PDGFD: variants seen among roughly 807,000 people sequenced by gnomAD.
PDGFD encodes the protein platelet derived growth factor D.
In PDGFD, 30 loss-of-function variants were observed where a neutral mutation model predicts 44.7. That is an observed-to-expected ratio of 0.67 (90% CI 0.50 to 0.91). The LOEUF (loss-of-function observed/expected upper bound fraction) is 0.91, where lower values mean the gene tolerates loss of function less well. Among genes scored for constraint, PDGFD ranks in the 40% least tolerant of loss-of-function variants. The pLI, the probability that PDGFD is intolerant of heterozygous loss-of-function variation, is 0.00. For synonymous variants in PDGFD, 173 were observed against 168.4 expected, an observed-to-expected ratio of 1.03 and a Z score of -0.21; for missense variants, 445 against 457.8, an observed-to-expected ratio of 0.97 and a Z score of 0.25.
intron 1 of PDGFD, among the ~76,000 whole-genome samples, chr11:104,025,126 G>A (rs1340941238): frequency 6.6e-6 from 1 of 152,238 alleles, no homozygotes; most frequent in Non-Finnish European, 1.5e-5. Flanking sequence ...CTTATGCCAA[G>A]CTGTCAGCCT....
intron 1 of PDGFD, among the ~76,000 whole-genome samples, chr11:104,040,237 G>A (rs1052014558): frequency 2.6e-5 from 4 of 151,902 alleles, no homozygotes; most frequent in Non-Finnish European, 5.9e-5. Flanking sequence ...GACAAATTTG[G>A]ATTCTCCTAA....
At chr11:103,968,172 T>C (rs1196930596) in intron 3 of PDGFD, among the ~76,000 whole-genome samples, 1 of 152,174 alleles carries the variant, frequency 6.6e-6, no homozygotes, top group Non-Finnish European at 1.5e-5. Flanking sequence ...CTATGTCTTC[T>C]CTTGAGTGCC....
intron 5 of PDGFD, among the ~76,000 whole-genome samples, chr11:103,929,878 T>C (rs1296283654): frequency 6.6e-6 from 1 of 152,092 alleles, no homozygotes; most frequent in African/African-American, 2.4e-5. Context: ...AGAAGGAGAA[T>C]TCTAGAGTGA....
In PDGFD at chr11:104,163,901, A is replaced by C. The variant is rs754185641; in HGVS notation, c.27T>G (p.Thr9=). The part of the protein sequence containing the change: MHRLIFVY[T]LICANFCSCR... Reference sequence around the variant, plus strand: ...AGCTGCAAAAGTTTGCGCAGATTAGAGTGTAGACAAAGATGAGCCGGTGCA... The same window carrying C: ...AGCTGCAAAAGTTTGCGCAGATTAGCGTGTAGACAAAGATGAGCCGGTGCA... The change falls in exon 1 of 7, where the codon ACT becomes ACG. Residue 9 remains threonine, a synonymous_variant. Transcript: ENST00000393158. The C allele has an allele frequency of 6.4e-7, 1 of 1,559,830 alleles. No homozygotes were observed. Among genetic ancestry groups the C allele is most frequent in the South Asian group, 1.2e-5 (1 of 84,738 alleles).
chr11:104,121,574 A>G (rs546507679), intron 1 of PDGFD, among the ~76,000 whole-genome samples: 4 of 152,196 alleles, frequency 2.6e-5, no homozygotes, highest in African/African-American at 9.6e-5. Context: ...TGAAATAATA[A>G]AAAAGAAAAA....
chr11:103,923,709 T>C (rs1156919448), intron 6 of PDGFD, among the ~76,000 whole-genome samples: 1 of 152,160 alleles, frequency 6.6e-6, no homozygotes, highest in Non-Finnish European at 1.5e-5. Context: ...CACTTGACAG[T>C]GATAATTGTG....
chr11:104,100,643 C>CA (rs1347845034), intron 1 of PDGFD, among the ~76,000 whole-genome samples: 2 of 151,528 alleles, frequency 1.3e-5, no homozygotes, highest in East Asian at 1.9e-4. Flanking sequence ...AGAGACACAA[C>CA]AAAAAAAAGA....
At chr11:104,098,507 C>CT (rs34351974) in intron 1 of PDGFD, among the ~76,000 whole-genome samples, 104,533 of 140,248 alleles carry the variant, frequency 0.75, 39,195 homozygotes, top group East Asian at 0.97. Context: ...TTCTGTTTCT[C>CT]TTTTTTTTTT....
At chr11:103,969,474 G>GTTTTTTTTTTTT (rs66571550) in intron 3 of PDGFD, among the ~76,000 whole-genome samples, 5 of 89,800 alleles carry the variant, frequency 5.6e-5, no homozygotes, top group Middle Eastern at 0.013. Flanking sequence ...ACCAAGCCTG[G>GTTTTTTTTTTTT]TTTTTTTTTT....
chr11:103,995,443 C>T (rs548966943), intron 3 of PDGFD, among the ~76,000 whole-genome samples: 1 of 152,124 alleles, frequency 6.6e-6, no homozygotes, highest in Non-Finnish European at 1.5e-5. Flanking sequence ...TCAGTCAGAA[C>T]CATTTACAGT....
intron 1 of PDGFD, among the ~76,000 whole-genome samples, chr11:104,016,914 C>A (rs546598994): frequency 3.6e-4 from 55 of 152,134 alleles, no homozygotes; most frequent in Admixed American, 1.6e-3. Context: ...GGGAAGAAAT[C>A]TCTGACTTTT....
intron 1 of PDGFD, among the ~76,000 whole-genome samples, chr11:104,060,796 C>A (rs1470316069): frequency 2.0e-5 from 3 of 152,142 alleles, no homozygotes; most frequent in African/African-American, 7.2e-5. Flanking sequence ...ATTTAAAGTA[C>A]AATTCAAATG....
chr11:104,045,701 T>A lies in PDGFD; in HGVS notation c.125-45446A>T, dbSNP rs763665244. On this transcript the variant is annotated intron_variant, in intron 1 of 6. Transcript: ENST00000393158. ...TTAAGAGAATATTTGAACAAAGGAA[T>A]AGAAACTTCAGAAGAAACACAAATA... Among the ~76,000 whole-genome samples, 51 of 147,794 alleles carry A rather than the reference T, an allele frequency of 3.5e-4. 5 individuals are homozygous for A. The highest frequency in any genetic ancestry group is 6.8e-4 in the Non-Finnish European group (45 of 66,156).
At chr11:104,150,692 T>C (rs1862230862) in intron 1 of PDGFD, among the ~76,000 whole-genome samples, 1 of 152,198 alleles carries the variant, frequency 6.6e-6, no homozygotes, top group South Asian at 2.1e-4. Flanking sequence ...CTGGCATTCC[T>C]TGGCTTGTGG....
At chr11:104,077,558 G>T (rs1017528555) in intron 1 of PDGFD, among the ~76,000 whole-genome samples, 1 of 152,132 alleles carries the variant, frequency 6.6e-6, no homozygotes, top group African/African-American at 2.4e-5. Context: ...TGATATGGCT[G>T]CAGAATATCC....
intron 3 of PDGFD, among the ~76,000 whole-genome samples, chr11:103,985,128 T>G (rs1333661575): frequency 7.1e-6 from 1 of 141,406 alleles, no homozygotes; most frequent in Non-Finnish European, 1.5e-5. Flanking sequence ...AATATATTAA[T>G]TTATTTAATA....
Position 103,949,064 on chromosome 11 carries a change from G to A in PDGFD, c.511-1340C>T, listed in dbSNP as rs957439190. On this transcript the variant is annotated intron_variant, in intron 3 of 6. Transcript: ENST00000393158. ...GTCACCCAGGCTGGTGTGCAGTGGCGTGATCTTGGCTTACTGCAACCTCTG... is the reference window on the plus strand; with the variant it reads ...GTCACCCAGGCTGGTGTGCAGTGGCATGATCTTGGCTTACTGCAACCTCTG... Among the ~76,000 whole-genome samples, 11 of 139,326 alleles carry A rather than the reference G, an allele frequency of 7.9e-5. No individual in the cohort carries two copies. The East Asian group carries it at 1.5e-3, about 19-fold the overall frequency. The allele number at this position is 139,326 out of a possible 152,430, so 91.4% of individuals were successfully genotyped here. A position where few individuals can be genotyped will look rare whatever the true frequency, so the allele number is the denominator to read the frequency against.
At chr11:103,957,944 G>A (rs543804530) in intron 3 of PDGFD, among the ~76,000 whole-genome samples, 2 of 151,898 alleles carry the variant, frequency 1.3e-5, no homozygotes, top group African/African-American at 2.4e-5. Context: ...CATGGTGTTT[G>A]GTAAGTGAAC....
intron 1 of PDGFD, among the ~76,000 whole-genome samples, chr11:104,039,712 T>A (rs1860316580): frequency 6.6e-6 from 1 of 152,110 alleles, no homozygotes; most frequent in African/African-American, 2.4e-5. Context: ...CAGAGTAAAG[T>A]CAGGGATAAG....
Sources: allele counts gnomAD v4.1 joint callset (sites outside exome capture counted in the v4.1 genomes callset), GRCh38; gene constraint gnomAD v4.1.1; transcripts MANE v1.5; gene names NCBI Gene and HGNC (gene_info 2026-07-23, HGNC 2026-07-21).